RP1: variants seen among roughly 807,000 people sequenced by gnomAD.
RP1 encodes the protein oxygen-regulated protein 1.
In RP1, 16 loss-of-function variants were observed where a neutral mutation model predicts 14.8. The observed-to-expected ratio is 1.08, with a 90% CI of 0.73 to 1.65. RP1 has a LOEUF of 1.65. Ranked by LOEUF, RP1 falls within the 40% of genes most tolerant of loss-of-function variation. RP1 has a pLI of 0.00. For missense variants in RP1, 2,631 were observed against 2,535.0 expected, an observed-to-expected ratio of 1.04 and a Z score of -0.81; for synonymous variants, 876 against 883.6, an observed-to-expected ratio of 0.99 and a Z score of 0.15.
At chr8:54,724,445 G>A (rs1206814891) in intron 16 of RP1, among the ~76,000 whole-genome samples, 1 of 152,142 alleles carries the variant, frequency 6.6e-6, no homozygotes, top group African/African-American at 2.4e-5. Context: ...ACTACCTGAA[G>A]TGAGTCACTA....
In RP1 at chr8:54,754,852, AC is replaced by A; in HGVS notation, c.2859del (p.Asn953LysfsTer19). On this transcript the variant is annotated frameshift_variant, in exon 20 of 23. Coordinates refer to the RP1 transcript ENST00000636932. LOFTEE classifies it high-confidence loss of function. Reference sequence around the variant, plus strand: ...AAGAAGATCCTAGATTTTGCAGCAAACGTATGGCTGTCTCGGATTCAGGCAG... The same window carrying A: ...AAGAAGATCCTAGATTTTGCAGCAAAGTATGGCTGTCTCGGATTCAGGCAG... 6.5e-7 allele frequency: 1 copy of A among 1,528,252 alleles called. No homozygotes were observed. The highest frequency in any genetic ancestry group is 8.7e-7 in the Non-Finnish European group (1 of 1,143,010). The allele number at this position is 1,528,252 out of a possible 1,614,324, so 94.7% of individuals were successfully genotyped here.
At chr8:54,768,157 C>T (rs1007670550) in intron 22 of RP1, among the ~76,000 whole-genome samples, 1 of 152,248 alleles carries the variant, frequency 6.6e-6, no homozygotes, top group African/African-American at 2.4e-5. Flanking sequence ...TCTCATTGGA[C>T]TCTGTACCTT....
At chr8:54,712,753 G>A (rs1300472590) in intron 15 of RP1, among the ~76,000 whole-genome samples, 2 of 152,128 alleles carry the variant, frequency 1.3e-5, no homozygotes, top group Non-Finnish European at 2.9e-5. Flanking sequence ...CTCAAATTTT[G>A]GTAGTGAGTC....
chr8:54,826,199 G>A (rs1013607297), intron 24 of RP1, among the ~76,000 whole-genome samples: 1 of 152,214 alleles, frequency 6.6e-6, no homozygotes, highest in African/African-American at 2.4e-5. Context: ...TGAGAAGCTG[G>A]CATTTGAGCA....
intron 23 of RP1, among the ~76,000 whole-genome samples, chr8:54,780,577 G>A (rs535349728): frequency 7.9e-5 from 12 of 152,166 alleles, no homozygotes; most frequent in Non-Finnish European, 1.5e-4. Context: ...AAAAAGGAAG[G>A]TAGTGTCTGT....
intron 24 of RP1, among the ~76,000 whole-genome samples, chr8:54,801,134 GGATA>G (rs1810694518): frequency 6.6e-6 from 1 of 152,128 alleles, no homozygotes. Flanking sequence ...CTTATGTTTA[GGATA>G]TAGTCTAATT....
intron 1 of RP1, among the ~76,000 whole-genome samples, chr8:54,616,428 T>C (rs1188529318): frequency 3.3e-5 from 5 of 152,220 alleles, no homozygotes; most frequent in African/African-American, 1.2e-4. Flanking sequence ...AATCAAGTGA[T>C]TCTAGTTTAT....
At chr8:54,819,172 T>G (rs1189940654) in intron 24 of RP1, among the ~76,000 whole-genome samples, 2 of 152,006 alleles carry the variant, frequency 1.3e-5, no homozygotes, top group African/African-American at 4.8e-5. Flanking sequence ...TTTTTTCTCC[T>G]CTGTGTATTT....
At chr8:54,681,482 T>TTG (rs3049538) in intron 12 of RP1, among the ~76,000 whole-genome samples, 9,677 of 141,636 alleles carry the variant, frequency 0.068, 563 homozygotes, top group African/African-American at 0.17. Context: ...ATTTTTTGAT[T>TTG]TGTGTGTGTG....
intron 20 of RP1, chr8:54,755,084 C>CTTCTCA: frequency 1.2e-6 from 1 of 804,914 alleles, no homozygotes; most frequent in Non-Finnish European, 1.7e-6. Flanking sequence ...TTTAATGTCA[C>CTTCTCA]AGCATGAGTT....
At position 54,664,640 on chromosome 8, in the gene RP1, A is replaced by G. The variant is rs563753174; in HGVS notation, c.1323+790A>G. On this transcript the variant is annotated intron_variant, in intron 7 of 22. Coordinates refer to the RP1 transcript ENST00000636932. ...ATGTACATTTCTTTATTTATTAGTGATGTTGAACATCTTTCATATGCTTAT... is the reference window on the plus strand; with the variant it reads ...ATGTACATTTCTTTATTTATTAGTGGTGTTGAACATCTTTCATATGCTTAT... Among the ~76,000 whole-genome samples, 22 of 152,206 alleles carry G rather than the reference A, an allele frequency of 1.4e-4. No individual in the cohort carries two copies. The South Asian group carries it at 4.6e-3, about 32-fold the overall frequency.
chr8:54,796,926 C>G (rs770307841), intron 24 of RP1, among the ~76,000 whole-genome samples: 3 of 151,994 alleles, frequency 2.0e-5, no homozygotes, highest in Non-Finnish European at 4.4e-5. Context: ...TCAAAAGAGC[C>G]ATTTTACTAA....
chr8:54,807,690 A>G (rs1161060641), intron 24 of RP1, among the ~76,000 whole-genome samples: 2 of 150,812 alleles, frequency 1.3e-5, no homozygotes, highest in Non-Finnish European at 3.0e-5. Context: ...ATCTATCTCT[A>G]TCTATCTATC....
In RP1 at chr8:54,583,394, C is replaced by T. The variant is rs1804843658; in HGVS notation, c.-13+24074C>T. On this transcript the variant is annotated intron_variant, in intron 1 of 22. Transcript: ENST00000636932. ...AAGCTTTTTGATGTGCTGCTGGATT[C>T]AGTTTGCCAGTATTTTATTGAGGAT... Among the ~76,000 whole-genome samples the T allele has an allele frequency of 2.6e-5, 4 of 152,154 alleles. No homozygotes were observed. In the South Asian group the frequency reaches 8.3e-4, roughly 32 times the overall value.
intron 1 of RP1, among the ~76,000 whole-genome samples, chr8:54,591,300 C>A (rs561727716): frequency 2.0e-5 from 3 of 152,332 alleles, no homozygotes; most frequent in Admixed American, 6.5e-5. Flanking sequence ...TCTTCCTTGA[C>A]TCTCCATCTT....
At chr8:54,767,961 C>T (rs1032505897) in intron 22 of RP1, among the ~76,000 whole-genome samples, 7 of 152,172 alleles carry the variant, frequency 4.6e-5, no homozygotes, top group Non-Finnish European at 1.0e-4. Flanking sequence ...ACTGCGAGCT[C>T]ACAGTTCGCC....
chr8:54,747,959 A>G (rs923739080), intron 19 of RP1, among the ~76,000 whole-genome samples: 3 of 152,270 alleles, frequency 2.0e-5, no homozygotes, highest in Non-Finnish European at 2.9e-5. Context: ...TCTGCAGCAC[A>G]TGTTTGCTAT....
chr8:54,734,529 C>CT (rs1449275558), intron 17 of RP1: 3 of 1,527,250 alleles, frequency 2.0e-6, no homozygotes, highest in African/African-American at 1.4e-5. Context: ...GCCACTAATG[C>CT]TTTTTTCCCC....
intron 25 of RP1, among the ~76,000 whole-genome samples, chr8:54,838,589 G>T (rs895890642): frequency 1.3e-5 from 2 of 152,264 alleles, no homozygotes; most frequent in Middle Eastern, 3.4e-3. Flanking sequence ...GTATGTGCGT[G>T]ACTGAATGTA....
Sources: gnomAD v4.1 joint callset for allele counts (sites outside exome capture counted in the v4.1 genomes callset) on GRCh38, gnomAD v4.1.1 for gene constraint, MANE v1.5 for transcripts, NCBI Gene and HGNC (gene_info 2026-07-23, HGNC 2026-07-21) for gene names.